Variants in TMEM30A observed in about 807,000 individuals in gnomAD.
TMEM30A encodes the protein cell cycle control protein 50A.
A neutral mutation model predicts 38.2 loss-of-function variants in TMEM30A; 24 were observed. That is an observed-to-expected ratio of 0.63 (90% CI 0.46 to 0.88). The LOEUF (loss-of-function observed/expected upper bound fraction) is 0.88. Ranked by LOEUF, TMEM30A falls within the 40% of genes least tolerant of loss-of-function variation. The probability of loss-of-function intolerance (pLI) is 0.00; values close to 1 mark genes in which losing one functional copy is unlikely to be tolerated. For missense variants in TMEM30A, 370 were observed against 458.6 expected (o/e 0.81, Z 1.77); for synonymous variants, 145 against 161.6 (o/e 0.90, Z 0.78).
intron 2 of TMEM30A, among the ~76,000 whole-genome samples, chr6:75,265,737 C>T (rs142859674): frequency 1.5e-3 from 224 of 151,544 alleles, no homozygotes; most frequent in African/African-American, 5.3e-3. Context: ...TTTTTTCTCC[C>T]AGAGACTAGA....
At chr6:75,270,058 C>A (rs544535766) in intron 1 of TMEM30A, among the ~76,000 whole-genome samples, 1 of 152,174 alleles carries the variant, frequency 6.6e-6, no homozygotes, top group Non-Finnish European at 1.5e-5. Context: ...CCTGCCTTGG[C>A]CTCCCAAAGT....
intron 1 of TMEM30A, among the ~76,000 whole-genome samples, chr6:75,275,420 C>T (rs534602541): frequency 7.2e-5 from 11 of 152,280 alleles, no homozygotes; most frequent in Admixed American, 2.0e-4. Context: ...TGTCTAATGG[C>T]ATCTCATCCT....
In TMEM30A at chr6:75,284,146, C is replaced by A. The variant is rs1772414845; in HGVS notation, c.237+256G>T. 20 of 536,008 alleles carry A rather than the reference C, an allele frequency of 3.7e-5. No individual in the cohort carries two copies. In the South Asian group the frequency reaches 4.0e-4, roughly 11 times the overall value. 33.2% of individuals were successfully genotyped at this position (536,008 alleles called of 1,614,324 possible). On this transcript the variant is annotated intron_variant, in intron 1 of 6. Coordinates refer to ENST00000230461, the MANE Select transcript of TMEM30A (RefSeq NM_018247.4). Reference sequence around the variant, plus strand: ...CACCTGACCTATCTTCTGCATTAAACATTCATTCCGTCTCAGCTCATTCCG... The same window carrying A: ...CACCTGACCTATCTTCTGCATTAAAAATTCATTCCGTCTCAGCTCATTCCG...
rs922312821 is a variant in TMEM30A at position 75,277,985 on chromosome 6, C to T, written c.237+6417G>A. 5.3e-5 allele frequency among the ~76,000 whole-genome samples: 8 copies of T among 151,548 alleles called. 1 individual carries two copies. Among genetic ancestry groups the T allele is most frequent in the Admixed American group, 2.6e-4 (4 of 15,240 alleles). On this transcript the variant is annotated intron_variant, in intron 1 of 6. Transcript: ENST00000230461. Reference sequence around the variant, plus strand: ...AACCAAAACACATTTATATGCTGAACAGAGATGGAAAAAAGAGGTTGAAGA... The same window carrying T: ...AACCAAAACACATTTATATGCTGAATAGAGATGGAAAAAAGAGGTTGAAGA...
At chr6:75,284,259 CAG>C in intron 1 of TMEM30A, 141 bp downstream of exon 1, 1 of 772,180 alleles carries the variant, frequency 1.3e-6, no homozygotes, top group Non-Finnish European at 2.2e-6. Flanking sequence ...AAAGAAAAAA[CAG>C]AGAAACAGAG....
intron 1 of TMEM30A, among the ~76,000 whole-genome samples, chr6:75,270,217 T>C (rs1772142006): frequency 6.6e-6 from 1 of 152,232 alleles, no homozygotes; most frequent in Admixed American, 6.5e-5. Context: ...TTTGGTGGTG[T>C]CAGTTTTGGA....
At chr6:75,281,611 G>T (rs1772356840) in intron 1 of TMEM30A, among the ~76,000 whole-genome samples, 1 of 152,056 alleles carries the variant, frequency 6.6e-6, no homozygotes, top group African/African-American at 2.4e-5. Flanking sequence ...AATTTTTAAT[G>T]TAACATTTCT....
At position 75,265,795 on chromosome 6, in the gene TMEM30A, G is replaced by A. The variant is rs6914752; in HGVS notation, c.346-457C>T. Among the ~76,000 whole-genome samples, 974 of 152,014 alleles carry A rather than the reference G, an allele frequency of 6.4e-3. 10 individuals carry two copies. The highest frequency in any genetic ancestry group is 0.023 in the African/African-American group (934 of 41,462). On this transcript the variant is annotated intron_variant, in intron 2 of 6. Coordinates refer to ENST00000230461, the MANE Select transcript of TMEM30A (RefSeq NM_018247.4). ...GGCCCTTAATTCCTGGGCTTGAGCC[G>A]TTCTACCGCCTCTATCCCTAGACAC...
chr6:75,259,517 C>T, intron 4 of TMEM30A, 27 bp from the exon 5 acceptor site: 2 of 1,559,666 alleles, frequency 1.3e-6, no homozygotes, highest in Non-Finnish European at 1.7e-6. Flanking sequence ...AAAGACATTA[C>T]TAACTATCTC....
intron 1 of TMEM30A, among the ~76,000 whole-genome samples, chr6:75,269,045 TAC>T (rs1310128100): frequency 2.6e-5 from 4 of 152,196 alleles, no homozygotes; most frequent in African/African-American, 9.6e-5. Context: ...CTGAACAAAG[TAC>T]AGAGTTCCCA....
chr6:75,265,570 C>T (rs908973211), intron 2 of TMEM30A, among the ~76,000 whole-genome samples: 5 of 152,222 alleles, frequency 3.3e-5, no homozygotes, highest in East Asian at 3.9e-4. Context: ...TCCTTAAAGA[C>T]GTCAAAAAAG....
rs1253723072 is a variant in TMEM30A, at chr6:75,258,809, GC to G, written c.862del (p.Ala288LeufsTer6). On this transcript the variant is annotated frameshift_variant, in exon 6 of 7. Coordinates refer to ENST00000230461, the MANE Select transcript of TMEM30A (RefSeq NM_018247.4). LOFTEE classifies it high-confidence loss of function. ...RKSDLHPTLP[A>X]GRYSLNVTYN... ...TGTGACATTCAAAGAGTATCGGCCA[GC>G]TGGTAATGTTGGATGTAAATCACTT... 5 of 1,613,786 alleles carry G rather than the reference GC, an allele frequency of 3.1e-6. No homozygotes were observed. Among genetic ancestry groups the G allele is most frequent in the African/African-American group, 1.3e-5 (1 of 74,932 alleles).
chr6:75,263,468 C>A (rs936874309), intron 3 of TMEM30A, among the ~76,000 whole-genome samples: 9 of 151,870 alleles, frequency 5.9e-5, no homozygotes, highest in Non-Finnish European at 1.3e-4. Context: ...ATTTGTTCAT[C>A]CAAGCAAAAA....
chr6:75,280,093 C>G (rs1431866211), intron 1 of TMEM30A, among the ~76,000 whole-genome samples: 1 of 152,156 alleles, frequency 6.6e-6, no homozygotes, highest in African/African-American at 2.4e-5. Context: ...GCCTGATTGT[C>G]TGTGACAAAG....
intron 3 of TMEM30A, 131 bp from the exon 4 acceptor site, chr6:75,261,042 T>C (rs1430751289): frequency 2.2e-5 from 12 of 540,686 alleles, no homozygotes; most frequent in Non-Finnish European, 3.6e-5. Flanking sequence ...AGGTCTGTAA[T>C]GTAAGTAGGC....
At chr6:75,256,872 G>C (rs1274843160) in intron 6 of TMEM30A, 1 of 414,456 alleles carries the variant, frequency 2.4e-6, no homozygotes, top group African/African-American at 2.1e-5. Flanking sequence ...AGGGTGGGCT[G>C]TTAAGGAGAT....
chr6:75,266,554 G>C (rs893382199), intron 2 of TMEM30A, among the ~76,000 whole-genome samples: 1 of 152,208 alleles, frequency 6.6e-6, no homozygotes, highest in Non-Finnish European at 1.5e-5. Flanking sequence ...GTTTGAGCTT[G>C]TGAAGAAACA....
In TMEM30A at chr6:75,265,287, G is replaced by T; in HGVS notation, c.397C>A (p.Arg133Ser). 1.2e-6 allele frequency: 2 copies of T among 1,611,770 alleles called. No homozygotes were observed. Among genetic ancestry groups the T allele is most frequent in the South Asian group, 2.2e-5 (2 of 90,862 alleles). The change falls in exon 3 of 7, where the codon CGT (arginine) becomes AGT (serine). Residue 133 changes from arginine to serine, a missense_variant. Transcript: ENST00000230461. ...GLSNFYQNHR[R>S]YVKSRDDSQL... ...CTATCATCTCGAGATTTCACGTAAC[G>T]ACGATGGTTTTGATAGAAATTAGAC... is the stretch of plus-strand genomic sequence containing the variant.
intron 1 of TMEM30A, 150 bp downstream of exon 1, chr6:75,284,252 G>A (rs1772416919): frequency 2.6e-6 from 2 of 757,156 alleles, no homozygotes; most frequent in Admixed American, 2.2e-5. Flanking sequence ...GAAAGAGAAA[G>A]AAAAAACAGA....
Sources: allele counts gnomAD v4.1 joint callset (sites outside exome capture counted in the v4.1 genomes callset), GRCh38; gene constraint gnomAD v4.1.1; transcripts MANE v1.5; gene names NCBI Gene and HGNC (gene_info 2026-07-23, HGNC 2026-07-21).